NUDT9: variants seen among roughly 807,000 people sequenced by gnomAD.
NUDT9 encodes the protein nudix hydrolase 9, also known as ADP-ribose pyrophosphatase.
A neutral mutation model predicts 41.0 loss-of-function variants in NUDT9; 31 were observed. The observed-to-expected ratio is 0.76, with a 90% CI of 0.57 to 1.02. The LOEUF (loss-of-function observed/expected upper bound fraction) is 1.02. NUDT9 is among the 50% of genes least tolerant of loss of function. The probability of loss-of-function intolerance (pLI) is 0.00; values close to 1 mark genes in which losing one functional copy is unlikely to be tolerated. For synonymous variants in NUDT9, 146 were observed against 147.6 expected (o/e 0.99, Z 0.08); for missense variants, 380 against 431.4 (o/e 0.88, Z 1.06).
At chr4:87,456,192 A>C (rs1722984603) in intron 7 of NUDT9, among the ~76,000 whole-genome samples, 1 of 152,152 alleles carries the variant, frequency 6.6e-6, no homozygotes, top group African/African-American at 2.4e-5. Flanking sequence ...CCTTTTATTA[A>C]ACAGGAGTCC....
rs773890052 is a variant in NUDT9, at chr4:87,451,715, T to C, written c.769T>C (p.Phe257Leu). ...AATAGAGGAAAAGTTGCACAAACTC[T>C]TCAGCCAAGACCACCTAGTGGTAAG... The part of the protein sequence containing the change: ...REIEEKLHKL[F>L]SQDHLVIYKG... Residue 257 changes from phenylalanine (F) to leucine (L), a missense_variant, in exon 6 of 8, where the codon TTC (phenylalanine) becomes CTC (leucine). Transcript: ENST00000302174. 1 of 1,613,842 alleles carries C rather than the reference T, an allele frequency of 6.2e-7. No homozygotes were observed. Among genetic ancestry groups the C allele is most frequent in the South Asian group, 1.1e-5 (1 of 91,072 alleles).
Position 87,451,710 on chromosome 4 carries a change from A to G in NUDT9, c.764A>G (p.Lys255Arg), listed in dbSNP as rs768576629. 5 of 1,613,930 alleles carry G rather than the reference A, an allele frequency of 3.1e-6. No homozygotes were observed. In the South Asian group the frequency reaches 3.3e-5, roughly 11 times the overall value. Residue 255 changes from lysine (K) to arginine (R), a missense_variant, in exon 6 of 8, where the codon AAA becomes AGA. Physicochemically the swap from Lys to Arg is conservative, Grantham distance 26. Coordinates refer to ENST00000302174, the MANE Select transcript of NUDT9 (RefSeq NM_024047.5). ...AGAGAAATAGAGGAAAAGTTGCACA[A>G]ACTCTTCAGCCAAGACCACCTAGTG... ...EKREIEEKLH[K>R]LFSQDHLVIY...
At position 87,422,827 on chromosome 4, in the gene NUDT9, C is replaced by T. The variant is rs1166020350; in HGVS notation, c.-79C>T. 1 of 1,115,466 alleles carries T rather than the reference C, an allele frequency of 9.0e-7. No individual in the cohort carries two copies. The highest frequency in any genetic ancestry group is 1.6e-5 in the African/African-American group (1 of 62,672). The allele number at this position is 1,115,466 out of a possible 1,614,324, so 69.1% of individuals were successfully genotyped here. The stretch of plus-strand genomic sequence containing the variant: ...GCCCATCAGATACCCGCGGCCGGGA[C>T]TCGGAGCTGTGGGGTGTGGGGAGGC... On this transcript the variant is annotated 5_prime_UTR_variant, in exon 1 of 8. Transcript: ENST00000302174.
At chr4:87,437,286 A>T (rs200952237) in intron 2 of NUDT9, among the ~76,000 whole-genome samples, 5 of 141,844 alleles carry the variant, frequency 3.5e-5, no homozygotes, top group African/African-American at 1.0e-4. Context: ...AGAAAAAATA[A>T]TTTTTTTTGT....
chr4:87,444,472 T>C (rs938172824), intron 4 of NUDT9, among the ~76,000 whole-genome samples: 1 of 152,112 alleles, frequency 6.6e-6, no homozygotes, highest in Admixed American at 6.6e-5. Flanking sequence ...ACTTAACTAC[T>C]GATCAGCCTA....
At chr4:87,433,700 T>C (rs1419536431) in intron 1 of NUDT9, among the ~76,000 whole-genome samples, 1 of 152,248 alleles carries the variant, frequency 6.6e-6, no homozygotes, top group Admixed American at 6.5e-5. Flanking sequence ...ATTTTAAGAA[T>C]AATTAGAAGT....
At position 87,453,084 on chromosome 4, in the gene NUDT9, T is replaced by G. The variant is rs143280413; in HGVS notation, c.790-1287T>G. Among the ~76,000 whole-genome samples, 715 of 152,252 alleles carry G rather than the reference T, an allele frequency of 4.7e-3. 8 individuals carry two copies. The highest frequency in any genetic ancestry group is 0.016 in the African/African-American group (677 of 41,552). Reference sequence around the variant, plus strand: ...GCCTCGGCCTCCCAAAGTCCTGGGATTACAGGCGTGAGCCACCGCACCCGG... The same window carrying G: ...GCCTCGGCCTCCCAAAGTCCTGGGAGTACAGGCGTGAGCCACCGCACCCGG... On this transcript the variant is annotated intron_variant, in intron 6 of 7. Coordinates refer to ENST00000302174, the MANE Select transcript of NUDT9 (RefSeq NM_024047.5).
intron 1 of NUDT9, among the ~76,000 whole-genome samples, chr4:87,427,087 G>C (rs1310206822): frequency 6.8e-6 from 1 of 147,904 alleles, no homozygotes; most frequent in Non-Finnish European, 1.5e-5. Flanking sequence ...ACCAATGCAT[G>C]CCAGCCTGGG....
intron 7 of NUDT9, among the ~76,000 whole-genome samples, chr4:87,455,250 A>G (rs1274284696): frequency 6.6e-6 from 1 of 152,192 alleles, no homozygotes; most frequent in Non-Finnish European, 1.5e-5. Context: ...TCATTTCCAT[A>G]TCCTGTGCTT....
At chr4:87,429,129 G>T (rs566709487) in intron 1 of NUDT9, among the ~76,000 whole-genome samples, 1 of 152,212 alleles carries the variant, frequency 6.6e-6, no homozygotes, top group Non-Finnish European at 1.5e-5. Context: ...TTGTAAGTCA[G>T]GTTAAGAATT....
chr4:87,440,340 C>T (rs1185039067), intron 3 of NUDT9, among the ~76,000 whole-genome samples: 1 of 152,190 alleles, frequency 6.6e-6, no homozygotes, highest in Non-Finnish European at 1.5e-5. Context: ...TCAGGACTCT[C>T]TCTCTGCTTC....
At chr4:87,424,429 T>C (rs1721314783) in intron 1 of NUDT9, among the ~76,000 whole-genome samples, 1 of 152,160 alleles carries the variant, frequency 6.6e-6, no homozygotes, top group Non-Finnish European at 1.5e-5. Context: ...CTAATTTTTT[T>C]TGTATTTTTA....
chr4:87,457,209 T>A (rs893495884), intron 7 of NUDT9, among the ~76,000 whole-genome samples: 2 of 151,638 alleles, frequency 1.3e-5, no homozygotes, highest in Non-Finnish European at 2.9e-5. Flanking sequence ...TTGGGAGCAC[T>A]TATTTTTTAT....
intron 2 of NUDT9, 133 bp from the exon 3 acceptor site, chr4:87,438,144 A>G (rs1362253168): frequency 2.1e-6 from 1 of 472,500 alleles, no homozygotes; most frequent in Non-Finnish European, 3.7e-6. Flanking sequence ...TTGTGAAAAA[A>G]AAAAAAAAAC....
intron 4 of NUDT9, among the ~76,000 whole-genome samples, chr4:87,445,138 C>A (rs2110180317): frequency 6.6e-6 from 1 of 152,238 alleles, no homozygotes; most frequent in East Asian, 1.9e-4. Flanking sequence ...AGAAGCCCCT[C>A]CAAGTAGGTA....
chr4:87,453,276 G>A (rs1490976353), intron 6 of NUDT9, among the ~76,000 whole-genome samples: 1 of 152,048 alleles, frequency 6.6e-6, no homozygotes, highest in Non-Finnish European at 1.5e-5. Flanking sequence ...TTTATTTATA[G>A]ATCTCCTTTG....
intron 1 of NUDT9, among the ~76,000 whole-genome samples, chr4:87,431,841 A>G (rs774940327): frequency 6.6e-6 from 1 of 152,150 alleles, no homozygotes; most frequent in African/African-American, 2.4e-5. Flanking sequence ...ACACATCACC[A>G]TGCCCGGCTA....
Position 87,457,945 on chromosome 4 carries a change from A to G in NUDT9, c.977A>G (p.Gln326Arg). Residue 326 changes from glutamine to arginine, a missense_variant, in exon 8 of 8, where the codon CAA becomes CGA. Physicochemically the swap from Gln to Arg is conservative, Grantham distance 43. Coordinates refer to ENST00000302174, the MANE Select transcript of NUDT9 (RefSeq NM_024047.5). Reference protein sequence around the residue: ...DKLKLYASHSQFIKLVAEKRD... With the variant: ...DKLKLYASHSRFIKLVAEKRD... ...CTGAAGCTTTATGCCAGTCACTCTC[A>G]ATTCATCAAACTTGTGGCTGAGAAA... The G allele has an allele frequency of 6.3e-7, 1 of 1,597,564 alleles. No individual in the cohort carries two copies.
chr4:87,423,462 TTAATAA>T (rs997834571), intron 1 of NUDT9, among the ~76,000 whole-genome samples: 3 of 152,218 alleles, frequency 2.0e-5, no homozygotes, highest in African/African-American at 7.2e-5. Context: ...CTCCTTTTTT[TTAATAA>T]TTTGTCTATT....
Sources: allele counts gnomAD v4.1 joint callset (sites outside exome capture counted in the v4.1 genomes callset), GRCh38; gene constraint gnomAD v4.1.1; transcripts MANE v1.5; gene names NCBI Gene and HGNC (gene_info 2026-07-23, HGNC 2026-07-21).